Variants in TMEM144 observed in about 807,000 individuals in gnomAD.
The protein encoded by TMEM144 is transmembrane protein 144.
A neutral mutation model predicts 43.6 loss-of-function variants in TMEM144; 39 were observed. The ratio of observed to expected loss-of-function variants is 0.90; its 90% confidence interval spans 0.69 to 1.17. The LOEUF (loss-of-function observed/expected upper bound fraction) is 1.17, where lower values mean the gene tolerates loss of function less well. Among genes scored for constraint, TMEM144 ranks in the 50% most tolerant of loss-of-function variants. The pLI is 0.00. For synonymous variants in TMEM144, 154 were observed against 133.6 expected, an observed-to-expected ratio of 1.15 and a Z score of -1.06; for missense variants, 417 against 411.9, an observed-to-expected ratio of 1.01 and a Z score of -0.11.
At chr4:158,236,964 A>C (rs544140397) in intron 8 of TMEM144, among the ~76,000 whole-genome samples, 3 of 152,314 alleles carry the variant, frequency 2.0e-5, no homozygotes, top group Admixed American at 2.0e-4. Flanking sequence ...ATAAAAAGAA[A>C]TGTTTTGTCT....
At chr4:158,235,693 A>C in intron 8 of TMEM144, 188 bp downstream of exon 8, 2 of 476,752 alleles carry the variant, frequency 4.2e-6, no homozygotes. Flanking sequence ...CCTTGAGCTC[A>C]ACTGCTTTGA....
chr4:158,226,712 T>C (rs570490220), intron 6 of TMEM144, among the ~76,000 whole-genome samples: 8 of 152,280 alleles, frequency 5.3e-5, no homozygotes, highest in African/African-American at 1.7e-4. Context: ...AAATTCTTTT[T>C]TATAACATTT....
intron 12 of TMEM144, among the ~76,000 whole-genome samples, chr4:158,247,629 C>T (rs1054909840): frequency 1.3e-5 from 2 of 152,062 alleles, no homozygotes; most frequent in East Asian, 3.9e-4. Context: ...AAAATAAATG[C>T]TATTAATAAT....
chr4:158,237,230 G>A (rs1158278431), intron 8 of TMEM144: 2 of 270,814 alleles, frequency 7.4e-6, no homozygotes, highest in Non-Finnish European at 1.4e-5. Flanking sequence ...CAATATAACT[G>A]TAGCAATATT....
intron 4 of TMEM144, among the ~76,000 whole-genome samples, chr4:158,217,065 A>G (rs1467327408): frequency 6.6e-6 from 1 of 152,156 alleles, no homozygotes; most frequent in Non-Finnish European, 1.5e-5. Flanking sequence ...GCTAAGGGAG[A>G]GAAACCTCTG....
chr4:158,215,424 A>G (rs1734175312), intron 4 of TMEM144, 111 bp downstream of exon 4: 3 of 1,304,960 alleles, frequency 2.3e-6, no homozygotes, highest in Admixed American at 2.8e-5. Flanking sequence ...ACCCTTAGTC[A>G]TAGATACTAG....
chr4:158,232,833 T>TA, intron 6 of TMEM144, 68 bp from the exon 7 acceptor site: 2 of 1,121,210 alleles, frequency 1.8e-6, no homozygotes, highest in South Asian at 2.8e-5. Flanking sequence ...GTTTTTTTCT[T>TA]AAAAATCAAG....
At chr4:158,237,328 C>T (rs1442664890) in intron 8 of TMEM144, 197 bp from the exon 9 acceptor site, 2 of 477,636 alleles carry the variant, frequency 4.2e-6, no homozygotes, top group African/African-American at 3.9e-5. Context: ...TGGACTGAAG[C>T]TGTCCTCCTA....
chr4:158,253,130 T>C (rs1243591666), intron 12 of TMEM144, among the ~76,000 whole-genome samples: 1 of 152,160 alleles, frequency 6.6e-6, no homozygotes, highest in Non-Finnish European at 1.5e-5. Context: ...ACCATGGTGG[T>C]TTGCTTTATT....
At chr4:158,233,075 T>G in intron 7 of TMEM144, 93 bp downstream of exon 7, 1 of 936,592 alleles carries the variant, frequency 1.1e-6, no homozygotes, top group East Asian at 2.6e-5. Context: ...AAAAGTGGTG[T>G]TTGCTCATCA....
intron 6 of TMEM144, among the ~76,000 whole-genome samples, chr4:158,231,725 T>C (rs1346691785): frequency 6.6e-6 from 1 of 152,020 alleles, no homozygotes; most frequent in Non-Finnish European, 1.5e-5. Context: ...GGAGGGGGGT[T>C]GGTAGACAGC....
intron 9 of TMEM144, among the ~76,000 whole-genome samples, chr4:158,238,853 G>T (rs1735487862): frequency 6.6e-6 from 1 of 152,138 alleles, no homozygotes; most frequent in South Asian, 2.1e-4. Flanking sequence ...GAGAACAATG[G>T]CTTCTTAGGG....
At chr4:158,220,856 C>G (rs1325932390) in intron 6 of TMEM144, among the ~76,000 whole-genome samples, 1 of 152,146 alleles carries the variant, frequency 6.6e-6, no homozygotes, top group Non-Finnish European at 1.5e-5. Context: ...CAGGGAAATT[C>G]AAGAACTCTT....
At position 158,212,954 on chromosome 4, in the gene TMEM144, G is replaced by A. The variant is rs1734035119; in HGVS notation, c.109+178G>A. 8 of 635,646 alleles carry A rather than the reference G, an allele frequency of 1.3e-5. No individual in the cohort carries two copies. In the East Asian group the frequency reaches 1.6e-4, roughly 13 times the overall value. 39.4% of individuals were successfully genotyped at this position (635,646 alleles called of 1,614,324 possible). On this transcript the variant is annotated intron_variant, in intron 3 of 12. Transcript: ENST00000296529. ...CCAGTTTGTCTGAAAGTCAGAATAG[G>A]AGAACCATTAAGGTTGTTTCATGGT...
At chr4:158,213,299 C>G (rs1272845059) in intron 3 of TMEM144, 1 of 153,390 alleles carries the variant, frequency 6.5e-6, no homozygotes, top group Admixed American at 6.5e-5. Flanking sequence ...ATGATGTATT[C>G]CACCCAACCA....
chr4:158,227,765 C>T (rs1734848747), intron 6 of TMEM144, among the ~76,000 whole-genome samples: 1 of 152,152 alleles, frequency 6.6e-6, no homozygotes, highest in African/African-American at 2.4e-5. Context: ...TTGGGCCATA[C>T]CTTTGAAACA....
At chr4:158,231,967 T>C (rs1381924865) in intron 6 of TMEM144, among the ~76,000 whole-genome samples, 2 of 152,260 alleles carry the variant, frequency 1.3e-5, no homozygotes, top group African/African-American at 2.4e-5. Context: ...CACTCTTCTG[T>C]ACCTAGCTAC....
At chr4:158,229,973 C>T (rs180894586) in intron 6 of TMEM144, among the ~76,000 whole-genome samples, 1 of 152,140 alleles carries the variant, frequency 6.6e-6, no homozygotes, top group Non-Finnish European at 1.5e-5. Context: ...CCAAGGAGCT[C>T]AGATGGCTTA....
intron 6 of TMEM144, among the ~76,000 whole-genome samples, chr4:158,228,948 G>A (rs557005717): frequency 6.6e-6 from 1 of 152,202 alleles, no homozygotes; most frequent in East Asian, 1.9e-4. Flanking sequence ...AGCAAGCAGG[G>A]GGTAGTTGAC....
Sources: gnomAD v4.1 joint callset for allele counts (sites outside exome capture counted in the v4.1 genomes callset) on GRCh38, gnomAD v4.1.1 for gene constraint, MANE v1.5 for transcripts, NCBI Gene and HGNC (gene_info 2026-07-23, HGNC 2026-07-21) for gene names.